The following USP12 variants were observed in gnomAD, a reference collection of about 807,000 sequenced individuals.
USP12 encodes ubiquitin specific peptidase 12.
In USP12, 19 loss-of-function variants were observed where a neutral mutation model predicts 45.5. The ratio of observed to expected loss-of-function variants is 0.42; its 90% CI spans 0.29 to 0.61. The LOEUF (loss-of-function observed/expected upper bound fraction) is 0.61, where lower values mean the gene tolerates loss of function less well. Ranked by LOEUF, USP12 falls within the 20% of genes least tolerant of loss-of-function variation. The pLI is 0.22. For missense variants in USP12, 242 were observed against 447.7 expected, an observed-to-expected ratio of 0.54 and a Z score of 4.15; for synonymous variants, 149 against 148.8, an observed-to-expected ratio of 1.00 and a Z score of -0.01.
chr13:27,081,405 C>T (rs1328194924), intron 6 of USP12, among the ~76,000 whole-genome samples: 1 of 152,206 alleles, frequency 6.6e-6, no homozygotes, highest in African/African-American at 2.4e-5. Context: ...CAAGTTTGAT[C>T]ATGAGATTGC....
intron 3 of USP12, among the ~76,000 whole-genome samples, chr13:27,098,928 C>T (rs967171629): frequency 6.6e-6 from 1 of 152,128 alleles, no homozygotes; most frequent in Non-Finnish European, 1.5e-5. Context: ...ACATGTGGAT[C>T]CCACTCATGA....
At chr13:27,100,800 A>G (rs763645273) in intron 3 of USP12, among the ~76,000 whole-genome samples, 10 of 152,198 alleles carry the variant, frequency 6.6e-5, no homozygotes, top group Non-Finnish European at 1.3e-4. Flanking sequence ...AGGAATCTAA[A>G]AAGAAGAATA....
intron 1 of USP12, among the ~76,000 whole-genome samples, chr13:27,124,798 G>A (rs1330392363): frequency 1.3e-5 from 2 of 152,250 alleles, no homozygotes; most frequent in Non-Finnish European, 2.9e-5. Context: ...TCATAAATGA[G>A]AAAGGGCGAA....
intron 1 of USP12, among the ~76,000 whole-genome samples, chr13:27,164,513 T>C (rs1878264125): frequency 6.6e-6 from 1 of 152,246 alleles, no homozygotes; most frequent in African/African-American, 2.4e-5. Context: ...AGTGGTGCTC[T>C]ACATTAAATT....
chr13:27,071,287 T>G, intron 7 of USP12, 138 bp from the exon 8 acceptor site: 1 of 648,764 alleles, frequency 1.5e-6, no homozygotes. Context: ...ACCCCTTACC[T>G]ATTCTTGCCA....
chr13:27,075,461 G>T (rs1201965205), intron 6 of USP12, 73 bp from the exon 7 acceptor site: 5 of 1,322,552 alleles, frequency 3.8e-6, no homozygotes, highest in Non-Finnish European at 5.2e-6. Context: ...CAAACTTTAC[G>T]ATATCCAATG....
intron 6 of USP12, among the ~76,000 whole-genome samples, chr13:27,086,364 AT>A (rs1032718278): frequency 1.7e-4 from 25 of 150,840 alleles, no homozygotes; most frequent in African/African-American, 5.6e-4. Context: ...CATGGTTGCA[AT>A]TTTTTAAGTG....
At chr13:27,109,905 C>CT (rs1242176450) in intron 2 of USP12, among the ~76,000 whole-genome samples, 2 of 68,848 alleles carry the variant, frequency 2.9e-5, no homozygotes, top group Non-Finnish European at 6.1e-5. Context: ...CAGTGAGACT[C>CT]TGTCTCCAAA....
At chr13:27,108,311 C>T (rs1444409591) in intron 2 of USP12, among the ~76,000 whole-genome samples, 2 of 151,716 alleles carry the variant, frequency 1.3e-5, no homozygotes, top group African/African-American at 2.4e-5. Context: ...CATGTTCTTA[C>T]TCATAGATGG....
chr13:27,130,380 C>T (rs978400074), intron 1 of USP12, among the ~76,000 whole-genome samples: 1 of 152,006 alleles, frequency 6.6e-6, no homozygotes, highest in Non-Finnish European at 1.5e-5. Flanking sequence ...AGTGACCACA[C>T]ACAACAAGGA....
chr13:27,171,804 C>A lies in USP12; in HGVS notation c.-165G>T. The A allele has an allele frequency of 5.0e-6, 1 of 201,006 alleles. No individual in the cohort carries two copies. Among genetic ancestry groups the A allele is most frequent in the South Asian group, 1.5e-4 (1 of 6,486 alleles). The allele number at this position is 201,006 out of a possible 1,614,324, so 12.5% of individuals were successfully genotyped here. A position where few individuals can be genotyped will look rare whatever the true frequency, so the allele number is the denominator to read the frequency against. On this transcript the variant is annotated 5_prime_UTR_variant, in exon 1 of 9. Transcript: ENST00000282344. Reference sequence around the variant, plus strand: ...CGCTGCCGTCGTCGCCGCCGGCGCTCAGGCACTCCCGGCCTCGGGCCCCAG... The same window carrying A: ...CGCTGCCGTCGTCGCCGCCGGCGCTAAGGCACTCCCGGCCTCGGGCCCCAG...
chr13:27,154,282 A>G (rs1877714808), intron 1 of USP12, among the ~76,000 whole-genome samples: 1 of 152,000 alleles, frequency 6.6e-6, no homozygotes, highest in African/African-American at 2.4e-5. Context: ...TCTGTTGAGC[A>G]AGGGCATATA....
chr13:27,094,515 CAAATGGAGA>C (rs1266553967), intron 4 of USP12, among the ~76,000 whole-genome samples: 1 of 151,988 alleles, frequency 6.6e-6, no homozygotes, highest in East Asian at 1.9e-4. Flanking sequence ...ATAAATAAAT[CAAATGGAGA>C]AACACCACCA....
chr13:27,078,633 T>C (rs974757855), intron 6 of USP12, among the ~76,000 whole-genome samples: 6 of 151,452 alleles, frequency 4.0e-5, no homozygotes, highest in African/African-American at 1.5e-4. Context: ...AGACAAAGCA[T>C]ACAAGATAAG....
chr13:27,158,765 T>C (rs1167838336), intron 1 of USP12, among the ~76,000 whole-genome samples: 1 of 152,168 alleles, frequency 6.6e-6, no homozygotes, highest in Admixed American at 6.5e-5. Context: ...TTTAATAAAA[T>C]GAAAATGTGC....
chr13:27,131,319 G>C (rs940118998), intron 1 of USP12, among the ~76,000 whole-genome samples: 1 of 152,166 alleles, frequency 6.6e-6, no homozygotes, highest in African/African-American at 2.4e-5. Context: ...GTGACTCTGG[G>C]TGAGTCACTT....
intron 3 of USP12, among the ~76,000 whole-genome samples, chr13:27,101,196 C>T (rs1306452055): frequency 1.3e-5 from 2 of 152,110 alleles, no homozygotes; most frequent in Admixed American, 6.5e-5. Flanking sequence ...GTCCATTTTC[C>T]TTAGAGTATA....
intron 4 of USP12, among the ~76,000 whole-genome samples, chr13:27,094,185 A>AAC (rs1288957056): frequency 6.7e-6 from 1 of 148,624 alleles, no homozygotes; most frequent in Admixed American, 6.7e-5. Flanking sequence ...AGGGGATTTA[A>AAC]AAAAAAAAAA....
At chr13:27,161,193 T>C (rs905973395) in intron 1 of USP12, among the ~76,000 whole-genome samples, 2 of 152,124 alleles carry the variant, frequency 1.3e-5, no homozygotes, top group African/African-American at 4.8e-5. Flanking sequence ...CAGGGAACCT[T>C]TGCAACATCA....
Sources: gnomAD v4.1 joint callset for allele counts (sites outside exome capture counted in the v4.1 genomes callset) on GRCh38, gnomAD v4.1.1 for gene constraint, MANE v1.5 for transcripts, NCBI Gene and HGNC (gene_info 2026-07-23, HGNC 2026-07-21) for gene names.